Variants in SOX6 observed in about 807,000 individuals in gnomAD.
The protein encoded by SOX6 is transcription factor SOX-6.
SOX6 carries 11 observed loss-of-function variants against 97.8 expected under a neutral mutation model. The ratio of observed to expected loss-of-function variants is 0.11; its 90% CI spans 0.07 to 0.19. SOX6 has a LOEUF of 0.19. Ranked by LOEUF, SOX6 falls within the 10% of genes least tolerant of loss-of-function variation. The pLI, the probability that SOX6 is intolerant of heterozygous loss-of-function variation, is 1.00. For missense variants in SOX6, 810 were observed against 1,039.5 expected, an observed-to-expected ratio of 0.78 and a Z score of 3.04; for synonymous variants, 360 against 371.4, an observed-to-expected ratio of 0.97 and a Z score of 0.35.
intron 4 of SOX6, among the ~76,000 whole-genome samples, chr11:16,509,852 G>C (rs546946028): frequency 6.6e-6 from 1 of 152,098 alleles, no homozygotes; most frequent in East Asian, 1.9e-4. Context: ...GAATCAAGCA[G>C]ATTATTTCAG....
chr11:16,687,233 G>T (rs780415909), intron 3 of SOX6, among the ~76,000 whole-genome samples: 3 of 152,226 alleles, frequency 2.0e-5, no homozygotes, highest in South Asian at 4.1e-4. Context: ...CATCTGCTCA[G>T]CTTCTGGGGA....
intron 1 of SOX6, among the ~76,000 whole-genome samples, chr11:16,441,901 A>G (rs930046600): frequency 6.6e-6 from 1 of 152,180 alleles, no homozygotes; most frequent in Non-Finnish European, 1.5e-5. Context: ...GAGTTTGTAC[A>G]CTTTAAGAAA....
chr11:16,694,143 T>C (rs967059477), intron 3 of SOX6, among the ~76,000 whole-genome samples: 2 of 152,218 alleles, frequency 1.3e-5, no homozygotes, highest in African/African-American at 4.8e-5. Flanking sequence ...CTATTCAGTA[T>C]TGTCAAACTT....
At chr11:16,519,971 G>A (rs549550986) in intron 4 of SOX6, among the ~76,000 whole-genome samples, 1 of 152,220 alleles carries the variant, frequency 6.6e-6, no homozygotes, top group African/African-American at 2.4e-5. Flanking sequence ...ATTTTTTCAT[G>A]TATTTTTTGG....
intron 4 of SOX6, among the ~76,000 whole-genome samples, chr11:16,191,190 C>T (rs1378900596): frequency 2.6e-5 from 4 of 152,258 alleles, no homozygotes; most frequent in Non-Finnish European, 5.9e-5. Context: ...CACAGAGGCT[C>T]ATGCCTGTAA....
At chr11:16,656,446 CA>C (rs1273020728) in intron 3 of SOX6, among the ~76,000 whole-genome samples, 2 of 152,146 alleles carry the variant, frequency 1.3e-5, no homozygotes, top group African/African-American at 4.8e-5. Context: ...GGACCACGCT[CA>C]CAGAAACAGT....
At chr11:16,569,820 GATAGCGCCACTGC>G (rs1847917623) in intron 4 of SOX6, among the ~76,000 whole-genome samples, 1 of 138,600 alleles carries the variant, frequency 7.2e-6, no homozygotes, top group South Asian at 2.3e-4. Context: ...AGTGAGCTGA[GATAGCGCCACTGC>G]ACTCCAGCCT....
At chr11:16,129,013 G>A (rs891702775) in intron 6 of SOX6, among the ~76,000 whole-genome samples, 3 of 148,896 alleles carry the variant, frequency 2.0e-5, no homozygotes, top group Non-Finnish European at 4.4e-5. Flanking sequence ...GGCATGCAAC[G>A]CCATGCCTGG....
chr11:16,254,526 C>T (rs1853623282), intron 3 of SOX6, among the ~76,000 whole-genome samples: 1 of 152,004 alleles, frequency 6.6e-6, no homozygotes, highest in Non-Finnish European at 1.5e-5. Context: ...GAGGTACCTG[C>T]ACACCTTGTG....
chr11:16,579,627 A>G (rs1387193781), intron 4 of SOX6, among the ~76,000 whole-genome samples: 1 of 152,056 alleles, frequency 6.6e-6, no homozygotes, highest in East Asian at 1.9e-4. Context: ...ACGTTATTAC[A>G]AATATCAGGT....
intron 6 of SOX6, among the ~76,000 whole-genome samples, chr11:16,127,500 G>A (rs1389472500): frequency 6.6e-6 from 1 of 151,990 alleles, no homozygotes; most frequent in Admixed American, 6.6e-5. Context: ...TAAGAAAACA[G>A]ATGCTATAAC....
At chr11:16,242,032 C>A (rs1853209698) in intron 3 of SOX6, among the ~76,000 whole-genome samples, 1 of 151,870 alleles carries the variant, frequency 6.6e-6, no homozygotes, top group South Asian at 2.1e-4. Context: ...TTATGAAAAC[C>A]ATAACCAAAA....
chr11:16,721,446 C>G (rs929333518), intron 2 of SOX6, among the ~76,000 whole-genome samples: 7 of 151,586 alleles, frequency 4.6e-5, no homozygotes, highest in Admixed American at 4.6e-4. Context: ...TCACAACTGA[C>G]AAGCAGCCGC....
chr11:16,027,895 A>G (rs1201886103), intron 12 of SOX6, among the ~76,000 whole-genome samples: 1 of 152,236 alleles, frequency 6.6e-6, no homozygotes, highest in Non-Finnish European at 1.5e-5. Context: ...ATACAGCTAC[A>G]GTGTATCTGC....
chr11:16,095,108 CTA>C (rs1848765777), intron 9 of SOX6, among the ~76,000 whole-genome samples: 1 of 151,842 alleles, frequency 6.6e-6, no homozygotes, highest in African/African-American at 2.4e-5. Flanking sequence ...GTTTCCCATC[CTA>C]GGTTGGACTA....
intron 4 of SOX6, among the ~76,000 whole-genome samples, chr11:16,559,579 A>T (rs1469229577): frequency 6.6e-6 from 1 of 152,084 alleles, no homozygotes; most frequent in Admixed American, 6.6e-5. Context: ...TACTCAATAC[A>T]CCATTTACAC....
chr11:16,542,012 C>A (rs889316670), intron 4 of SOX6, among the ~76,000 whole-genome samples: 2 of 152,148 alleles, frequency 1.3e-5, no homozygotes, highest in African/African-American at 4.8e-5. Context: ...GACACATGCA[C>A]ATGTATGTTT....
chr11:16,189,589 C>A lies in SOX6; in HGVS notation c.536-2634G>T, dbSNP rs191332957. Among the ~76,000 whole-genome samples the A allele has an allele frequency of 3.3e-4, 50 of 152,090 alleles. 1 individual carries two copies. The highest frequency in any genetic ancestry group is 3.3e-3 in the Admixed American group (50 of 15,266). Reference sequence around the variant, plus strand: ...GGCATACCATTCAGCCCCTTATAGACCATGTGTGATGATCTACCTATTTAT... The same window carrying A: ...GGCATACCATTCAGCCCCTTATAGAACATGTGTGATGATCTACCTATTTAT... On this transcript the variant is annotated intron_variant, in intron 4 of 15. Transcript: ENST00000683767.
At chr11:16,216,657 C>A (rs1397322640) in intron 4 of SOX6, among the ~76,000 whole-genome samples, 1 of 151,510 alleles carries the variant, frequency 6.6e-6, no homozygotes, top group Admixed American at 6.6e-5. Context: ...TATTTCATGT[C>A]ATCTCATTCA....
Sources: gnomAD v4.1 joint callset for allele counts (sites outside exome capture counted in the v4.1 genomes callset) on GRCh38, gnomAD v4.1.1 for gene constraint, MANE v1.5 for transcripts, NCBI Gene and HGNC (gene_info 2026-07-23, HGNC 2026-07-21) for gene names.